STK3: variants seen among roughly 807,000 people sequenced by gnomAD.
STK3 encodes serine/threonine-protein kinase 3.
Under a neutral mutation model 58.0 loss-of-function variants are expected in STK3, and 41 were observed. That is an observed-to-expected ratio of 0.71 (90% CI 0.55 to 0.92). STK3 has a LOEUF of 0.92. Among genes scored for constraint, STK3 ranks in the 40% least tolerant of loss-of-function variants. The pLI, the probability that STK3 is intolerant of heterozygous loss-of-function variation, is 0.00. For missense variants in STK3, 479 were observed against 602.7 expected (o/e 0.79, Z 2.15); for synonymous variants, 170 against 191.0 (o/e 0.89, Z 0.91).
At chr8:98,824,762 C>G (rs1393493825) in intron 1 of STK3, among the ~76,000 whole-genome samples, 1 of 152,168 alleles carries the variant, frequency 6.6e-6, no homozygotes, top group African/African-American at 2.4e-5. Flanking sequence ...TCAAAGCATA[C>G]GAACTCTTTA....
At chr8:98,769,688 AC>A (rs1392425092) in intron 2 of STK3, among the ~76,000 whole-genome samples, 1 of 152,172 alleles carries the variant, frequency 6.6e-6, no homozygotes, top group African/African-American at 2.4e-5. Context: ...TTAAATTATC[AC>A]CCTTAGTTGC....
intron 3 of STK3, among the ~76,000 whole-genome samples, chr8:98,856,383 A>G (rs1836682419): frequency 6.6e-6 from 1 of 152,156 alleles, no homozygotes; most frequent in Non-Finnish European, 1.5e-5. Context: ...CAATTTTAAA[A>G]TGAGCAAATG....
chr8:98,486,608 T>G (rs1391800940), intron 10 of STK3, among the ~76,000 whole-genome samples: 1 of 152,180 alleles, frequency 6.6e-6, no homozygotes, highest in African/African-American at 2.4e-5. Context: ...ATCATTTGAA[T>G]TCTGGAGTGT....
chr8:98,917,677 A>G (rs1450307355), intron 1 of STK3, among the ~76,000 whole-genome samples: 1 of 152,194 alleles, frequency 6.6e-6, no homozygotes, highest in East Asian at 1.9e-4. Context: ...CCGTGAGAAA[A>G]TAAATTTCTG....
At chr8:98,840,596 T>C (rs953593278) in intron 3 of STK3, among the ~76,000 whole-genome samples, 1 of 53,740 alleles carries the variant, frequency 1.9e-5, no homozygotes, top group African/African-American at 5.7e-5. Context: ...TATATATATA[T>C]ATATATATAT....
intron 3 of STK3, among the ~76,000 whole-genome samples, chr8:98,869,069 AGG>A (rs1837260544): frequency 3.6e-5 from 5 of 139,084 alleles, no homozygotes; most frequent in African/African-American, 1.3e-4. Context: ...GAAGGAAGGA[AGG>A]AAGGAAGGAA....
intron 3 of STK3, among the ~76,000 whole-genome samples, chr8:98,421,587 C>T (rs957263706): frequency 2.6e-5 from 4 of 152,034 alleles, no homozygotes; most frequent in Non-Finnish European, 5.9e-5. Flanking sequence ...ACCAGCCTGG[C>T]TAACATGGTG....
At chr8:98,788,622 T>G (rs1008465186) in intron 1 of STK3, among the ~76,000 whole-genome samples, 5 of 151,992 alleles carry the variant, frequency 3.3e-5, no homozygotes, top group African/African-American at 9.7e-5. Flanking sequence ...CGAGTAGGAA[T>G]AGCTATTCTT....
At chr8:98,901,889 A>G (rs1035073433) in intron 1 of STK3, among the ~76,000 whole-genome samples, 1 of 152,242 alleles carries the variant, frequency 6.6e-6, no homozygotes, top group African/African-American at 2.4e-5. Context: ...TGGGCAGTAA[A>G]GAAGACAAAG....
chr8:98,394,373 A>T (rs1563591484), intron 3 of STK3, among the ~76,000 whole-genome samples: 1 of 152,138 alleles, frequency 6.6e-6, no homozygotes, highest in South Asian at 2.1e-4. Context: ...TAACTTTCCA[A>T]AAGACATTAG....
chr8:98,411,568 C>T (rs2131041203), intron 3 of STK3, among the ~76,000 whole-genome samples: 1 of 152,376 alleles, frequency 6.6e-6, no homozygotes, highest in African/African-American at 2.4e-5. Context: ...AGCACAACAT[C>T]CAGTCTTTCC....
At chr8:98,853,877 G>T (rs1298590491) in intron 3 of STK3, among the ~76,000 whole-genome samples, 1 of 152,224 alleles carries the variant, frequency 6.6e-6, no homozygotes, top group Admixed American at 6.5e-5. Context: ...AAAGACCCAG[G>T]CCCACATGTT....
At chr8:98,575,594 A>G (rs955037273) in intron 8 of STK3, among the ~76,000 whole-genome samples, 3 of 151,332 alleles carry the variant, frequency 2.0e-5, no homozygotes, top group Admixed American at 6.6e-5. Context: ...CAATTTGCCT[A>G]TAATTCAATT....
intron 2 of STK3, among the ~76,000 whole-genome samples, chr8:98,372,313 T>G (rs1817618035): frequency 6.6e-6 from 1 of 152,166 alleles, no homozygotes; most frequent in Non-Finnish European, 1.5e-5. Context: ...CCTGGGAAAC[T>G]AATGCAGAGG....
intron 3 of STK3, chr8:98,413,698 G>T: frequency 1.1e-6 from 1 of 951,216 alleles, no homozygotes; most frequent in Non-Finnish European, 1.7e-6. Flanking sequence ...AATTGGTTTA[G>T]AAAAGCCACC....
chr8:98,735,161 G>T (rs940975718), intron 4 of STK3, among the ~76,000 whole-genome samples: 3 of 152,064 alleles, frequency 2.0e-5, no homozygotes, highest in African/African-American at 7.2e-5. Flanking sequence ...TAAAGAGGTA[G>T]GGTAATTTTA....
rs112046328 is a variant in STK3 at position 98,894,521 on chromosome 8, A to G, written c.-78-10687T>C. On this transcript the variant is annotated intron_variant, in intron 1 of 1. Coordinates refer to the STK3 transcript ENST00000519420. ...CATCTCTATGGCCCCAGCATTCTTGATTCCCCCTTAAAGTGCTCTGTTTGT... is the reference window on the plus strand; with the variant it reads ...CATCTCTATGGCCCCAGCATTCTTGGTTCCCCCTTAAAGTGCTCTGTTTGT... 9.3e-3 allele frequency among the ~76,000 whole-genome samples: 1,415 copies of G among 152,214 alleles called. 17 individuals carry two copies. Among genetic ancestry groups the G allele is most frequent in the African/African-American group, 0.032 (1,336 of 41,528 alleles).
intron 4 of STK3, among the ~76,000 whole-genome samples, chr8:98,733,710 G>T (rs750149740): frequency 7.2e-5 from 11 of 151,926 alleles, no homozygotes; most frequent in Non-Finnish European, 1.2e-4. Flanking sequence ...ACAGAATTTG[G>T]CTTTTTACAT....
chr8:98,737,471 G>A (rs1156738733), intron 4 of STK3, among the ~76,000 whole-genome samples: 3 of 151,994 alleles, frequency 2.0e-5, no homozygotes, highest in Non-Finnish European at 4.4e-5. Flanking sequence ...TTACAAAAAA[G>A]GTACATGAAT....
Sources: allele counts gnomAD v4.1 joint callset (sites outside exome capture counted in the v4.1 genomes callset), GRCh38; gene constraint gnomAD v4.1.1; transcripts MANE v1.5; gene names NCBI Gene and HGNC (gene_info 2026-07-23, HGNC 2026-07-21).